The following FAM120B variants were observed in gnomAD, a reference collection of about 807,000 sequenced individuals.
FAM120B encodes the protein constitutive coactivator of peroxisome proliferator-activated receptor gamma.
In FAM120B, 83 loss-of-function variants were observed where a neutral mutation model predicts 96.3. The observed-to-expected ratio is 0.86, with a 90% CI of 0.72 to 1.03. The LOEUF (loss-of-function observed/expected upper bound fraction) is 1.03. Ranked by LOEUF, FAM120B falls within the 50% of genes least tolerant of loss-of-function variation. The probability of loss-of-function intolerance (pLI) is 0.00; values close to 1 mark genes in which losing one functional copy is unlikely to be tolerated. For missense variants in FAM120B, 1,027 were observed against 1,121.2 expected (o/e 0.92, Z 1.20); for synonymous variants, 407 against 402.7 (o/e 1.01, Z -0.13).
intron 6 of FAM120B, among the ~76,000 whole-genome samples, chr6:170,375,430 G>A (rs1052764392): frequency 1.3e-5 from 2 of 152,188 alleles, no homozygotes; most frequent in Non-Finnish European, 2.9e-5. Flanking sequence ...GCCTACAAAG[G>A]ACGTATGTTG....
At chr6:170,298,204 AC>A (rs1045017696) in intron 1 of FAM120B, 1 of 152,182 alleles carries the variant, frequency 6.6e-6, no homozygotes, top group Non-Finnish European at 1.5e-5. Flanking sequence ...CTGCTAGGAG[AC>A]CGGCTTTGCA....
intron 4 of FAM120B, among the ~76,000 whole-genome samples, chr6:170,340,972 C>T (rs867224056): frequency 6.6e-6 from 1 of 152,198 alleles, no homozygotes; most frequent in South Asian, 2.1e-4. Flanking sequence ...GATGAGGGAC[C>T]CATTGAGGAA....
At chr6:170,304,772 C>T (rs1784219846), upstream of FAM120B, among the ~76,000 whole-genome samples, 1 of 151,984 alleles carries the variant, frequency 6.6e-6, no homozygotes, top group South Asian at 2.1e-4. Flanking sequence ...GCTTGGAGTC[C>T]TTCCTCTTCT....
chr6:170,360,184 G>A (rs1788246805), intron 6 of FAM120B, among the ~76,000 whole-genome samples: 1 of 152,194 alleles, frequency 6.6e-6, no homozygotes, highest in Admixed American at 6.5e-5. Context: ...ACACAGATGA[G>A]GGAGCTGGGT....
chr6:170,356,791 C>T lies in FAM120B; in HGVS notation c.2191-1435C>T, dbSNP rs561828605. 3.3e-5 allele frequency among the ~76,000 whole-genome samples: 5 copies of T among 152,276 alleles called. No homozygotes were observed. The East Asian group carries it at 9.6e-4, about 29-fold the overall frequency. On this transcript the variant is annotated intron_variant, in intron 5 of 10. Transcript: ENST00000476287. Reference sequence around the variant, plus strand: ...TGTACTCTCATTTGGTCTGACCTCCCAGTTAACAACAGCCACAAATGATTT... The same window carrying T: ...TGTACTCTCATTTGGTCTGACCTCCTAGTTAACAACAGCCACAAATGATTT...
At chr6:170,375,684 G>T (rs535316063) in intron 6 of FAM120B, among the ~76,000 whole-genome samples, 1 of 152,294 alleles carries the variant, frequency 6.6e-6, no homozygotes, top group South Asian at 2.1e-4. Flanking sequence ...GTACAGAGAA[G>T]ATATGGCAAG....
chr6:170,379,363 T>G (rs1789770026), intron 6 of FAM120B, among the ~76,000 whole-genome samples: 1 of 152,232 alleles, frequency 6.6e-6, no homozygotes, highest in Admixed American at 6.5e-5. Context: ...TTCTCAAAAC[T>G]GTGATTATTA....
intron 9 of FAM120B, among the ~76,000 whole-genome samples, chr6:170,402,291 G>A (rs1389848132): frequency 1.3e-5 from 2 of 152,238 alleles, no homozygotes; most frequent in African/African-American, 2.4e-5. Context: ...TCTGCATTTT[G>A]CCAAGCTTTC....
chr6:170,399,610 A>C (rs1778426686), intron 9 of FAM120B, among the ~76,000 whole-genome samples: 2 of 148,942 alleles, frequency 1.3e-5, no homozygotes, highest in South Asian at 4.3e-4. Context: ...AGGAAGGTAG[A>C]ACTATGTCAT....
At chr6:170,350,705 A>G (rs971079426) in intron 5 of FAM120B, among the ~76,000 whole-genome samples, 1 of 152,152 alleles carries the variant, frequency 6.6e-6, no homozygotes, top group Non-Finnish European at 1.5e-5. Context: ...CTACAGTAGA[A>G]TGGCCTGTTA....
At chr6:170,382,705 G>T (rs1468828360) in intron 6 of FAM120B, among the ~76,000 whole-genome samples, 1 of 152,218 alleles carries the variant, frequency 6.6e-6, no homozygotes, top group African/African-American at 2.4e-5. Flanking sequence ...GCTCAGCAGA[G>T]ACGTGGGTTC....
chr6:170,372,692 G>A (rs965164963), intron 6 of FAM120B, among the ~76,000 whole-genome samples: 1 of 152,182 alleles, frequency 6.6e-6, no homozygotes, highest in Non-Finnish European at 1.5e-5. Context: ...TTACCAACAT[G>A]GGAGGTTTTG....
chr6:170,358,849 C>T (rs1788146146), intron 6 of FAM120B, among the ~76,000 whole-genome samples: 1 of 152,318 alleles, frequency 6.6e-6, no homozygotes, highest in African/African-American at 2.4e-5. Context: ...TTTAATTTCA[C>T]AAAATGGCCC....
At chr6:170,400,491 C>G (rs1357259174) in intron 9 of FAM120B, among the ~76,000 whole-genome samples, 1 of 152,092 alleles carries the variant, frequency 6.6e-6, no homozygotes, top group Non-Finnish European at 1.5e-5. Flanking sequence ...GACAGGCTGA[C>G]TTTGTCTCAA....
chr6:170,330,584 T>C (rs1785952160), intron 4 of FAM120B, 34 bp downstream of exon 4: 3 of 1,467,204 alleles, frequency 2.0e-6, no homozygotes, highest in Non-Finnish European at 2.9e-6. Flanking sequence ...GAACCACAGA[T>C]CTTTCCATTC....
chr6:170,298,818 C>T (rs1030636675), intron 1 of FAM120B, among the ~76,000 whole-genome samples: 3 of 152,190 alleles, frequency 2.0e-5, no homozygotes, highest in African/African-American at 7.2e-5. Flanking sequence ...CCACCACCTG[C>T]CAGCTGTCAC....
intron 4 of FAM120B, among the ~76,000 whole-genome samples, chr6:170,336,419 G>A (rs916289354): frequency 5.9e-5 from 9 of 152,108 alleles, no homozygotes; most frequent in East Asian, 1.9e-4. Context: ...CCAGTACCAC[G>A]CTGTTTTGGT....
chr6:170,402,449 C>T (rs1275537451), intron 9 of FAM120B, among the ~76,000 whole-genome samples: 2 of 152,222 alleles, frequency 1.3e-5, no homozygotes, highest in Non-Finnish European at 2.9e-5. Context: ...GAGTTAGTAG[C>T]TCTTCCTGAC....
chr6:170,319,631 TG>T (rs1218213298), intron 2 of FAM120B, among the ~76,000 whole-genome samples: 2 of 152,092 alleles, frequency 1.3e-5, no homozygotes, highest in Non-Finnish European at 2.9e-5. Flanking sequence ...TTCTCCAGCC[TG>T]GGCAATAAGA....
Sources: gnomAD v4.1 joint callset for allele counts (sites outside exome capture counted in the v4.1 genomes callset) on GRCh38, gnomAD v4.1.1 for gene constraint, MANE v1.5 for transcripts, NCBI Gene and HGNC (gene_info 2026-07-23, HGNC 2026-07-21) for gene names.